Variants in ZNF236 observed in about 807,000 individuals in gnomAD.
ZNF236 encodes regulated by glucose.
Under a neutral mutation model 191.2 loss-of-function variants are expected in ZNF236, and 50 were observed. That is an observed-to-expected ratio of 0.26 (90% CI 0.21 to 0.33). The LOEUF is 0.33. Among genes scored for constraint, ZNF236 ranks in the 10% least tolerant of loss-of-function variants. The probability of loss-of-function intolerance (pLI) is 1.00; values close to 1 mark genes in which losing one functional copy is unlikely to be tolerated. For missense variants in ZNF236, 1,754 were observed against 2,374.5 expected (o/e 0.74, Z 5.43); for synonymous variants, 907 against 928.8 (o/e 0.98, Z 0.43).
At position 76,956,146 on chromosome 18, in the gene ZNF236, G is replaced by C. The variant is rs900440766; in HGVS notation, c.5076G>C (p.Val1692=). The change falls in exon 28 of 31, where the codon GTG becomes GTC. Residue 1692 remains valine, a synonymous_variant. Coordinates refer to ENST00000320610, the MANE Select transcript of ZNF236 (RefSeq NM_001306089.2). ...GGGAGCGCATCCACGGCTGCCCCGT[G>C]TGCAGGAAGGCCTTCAAGCGCGCCA... is the stretch of plus-strand genomic sequence containing the variant. ...HGRERIHGCP[V]CRKAFKRATH... 5 of 1,562,780 alleles carry C rather than the reference G, an allele frequency of 3.2e-6. No individual in the cohort carries two copies. In the African/African-American group the frequency reaches 6.8e-5, roughly 21 times the overall value.
chr18:76,950,405 A>AT (rs1968375341), intron 27 of ZNF236, among the ~76,000 whole-genome samples: 1 of 152,210 alleles, frequency 6.6e-6, no homozygotes. Flanking sequence ...TTGCTCATCC[A>AT]TAAGAAGCAA....
chr18:76,824,347 T>A, intron 1 of ZNF236: 1 of 781,126 alleles, frequency 1.3e-6, no homozygotes, highest in Non-Finnish European at 2.4e-6. Context: ...CAGCGAGCTT[T>A]CGCACACCTC....
intron 30 of ZNF236, among the ~76,000 whole-genome samples, chr18:76,965,925 G>C (rs184393590): frequency 2.6e-4 from 40 of 152,370 alleles, no homozygotes; most frequent in Non-Finnish European, 5.6e-4. Flanking sequence ...AGGAACAGGT[G>C]GTGGGCGGGG....
rs763178600 is a variant in ZNF236, at chr18:76,877,962, T to G, written c.841-47T>G. ...TTGCCATAATTTAGATGTTTAAATT[T>G]AACAATTAATTGTAAAACATCATTT... On this transcript the variant is annotated intron_variant, in intron 6 of 30. Transcript: ENST00000320610. The G allele has an allele frequency of 2.1e-6, 3 of 1,430,126 alleles. No homozygotes were observed. The South Asian group carries it at 4.2e-5, about 20-fold the overall frequency. The allele number at this position is 1,430,126 out of a possible 1,614,324, so 88.6% of individuals were successfully genotyped here.
chr18:76,851,718 C>T, intron 2 of ZNF236, 57 bp from the exon 3 acceptor site: 1 of 1,537,862 alleles, frequency 6.5e-7, no homozygotes, highest in Non-Finnish European at 8.8e-7. Context: ...ATTTATTGAA[C>T]AAGCATCTGT....
intron 1 of ZNF236, among the ~76,000 whole-genome samples, chr18:76,823,084 C>T (rs1379741051): frequency 1.3e-5 from 2 of 150,530 alleles, no homozygotes; most frequent in Non-Finnish European, 3.0e-5. Context: ...AGAGCCCGGG[C>T]CTGCGGATAC....
intron 3 of ZNF236, among the ~76,000 whole-genome samples, chr18:76,859,214 G>A (rs1178399728): frequency 1.6e-5 from 2 of 123,720 alleles, no homozygotes; most frequent in Admixed American, 1.6e-4. Flanking sequence ...GGAGGCAGGT[G>A]CAGGTGGAGG....
At chr18:76,866,996 T>G (rs1005589623) in intron 3 of ZNF236, among the ~76,000 whole-genome samples, 1 of 152,110 alleles carries the variant, frequency 6.6e-6, no homozygotes, top group African/African-American at 2.4e-5. Flanking sequence ...CTCAGACAGA[T>G]CCAACAAATG....
intron 1 of ZNF236, among the ~76,000 whole-genome samples, chr18:76,828,504 C>G (rs1975076636): frequency 6.6e-6 from 1 of 152,176 alleles, no homozygotes; most frequent in Non-Finnish European, 1.5e-5. Flanking sequence ...GCAGCCAGAG[C>G]TGTAATCCCC....
rs116193422 is a variant in ZNF236 at position 76,920,909 on chromosome 18, G to A, written c.3557+851G>A. Among the ~76,000 whole-genome samples the A allele has an allele frequency of 4.5e-3, 683 of 152,340 alleles. 3 individuals are homozygous for A. Among genetic ancestry groups the A allele is most frequent in the African/African-American group, 0.015 (618 of 41,578 alleles). On this transcript the variant is annotated intron_variant, in intron 20 of 30. Coordinates refer to ENST00000320610, the MANE Select transcript of ZNF236 (RefSeq NM_001306089.2). Reference sequence around the variant, plus strand: ...CCTTTCTGGAGAAAGGAAGACCAAAGTATCAGCGTTCTCCTGAAGAATCAG... The same window carrying A: ...CCTTTCTGGAGAAAGGAAGACCAAAATATCAGCGTTCTCCTGAAGAATCAG...
chr18:76,903,959 T>C (rs150376259), intron 11 of ZNF236, among the ~76,000 whole-genome samples: 1 of 148,570 alleles, frequency 6.7e-6, no homozygotes, highest in East Asian at 2.0e-4. Context: ...AAACAAGGTA[T>C]TAAAATCTTG....
In ZNF236 at chr18:76,970,959, G is replaced by A. The variant is rs993081569; in HGVS notation, c.*2620G>A. 3.9e-5 allele frequency among the ~76,000 whole-genome samples: 6 copies of A among 152,274 alleles called. No individual in the cohort carries two copies. Among genetic ancestry groups the A allele is most frequent in the Non-Finnish European group, 7.3e-5 (5 of 68,044 alleles). The stretch of plus-strand genomic sequence containing the variant: ...GGCGTCAGCACAGTGCCCTGTGCAT[G>A]TGTCAGAACTGTTCCTGTTCCCTTT... On this transcript the variant is annotated 3_prime_UTR_variant, in exon 31 of 31. Coordinates refer to ENST00000320610, the MANE Select transcript of ZNF236 (RefSeq NM_001306089.2).
At position 76,822,658 on chromosome 18, in the gene ZNF236, C is replaced by G. The variant is rs1240864877; in HGVS notation, c.51C>G (p.Asp17Glu). Residue 17 changes from aspartate to glutamate, a missense_variant, in exon 1 of 31, where the codon GAC becomes GAG. Asp to Glu is a conservative substitution (Grantham distance 45). Transcript: ENST00000320610. ...PKPRESKARGDSDGVLTLNAE... is the reference protein window; with the variant it reads ...PKPRESKARGESDGVLTLNAE... The stretch of plus-strand genomic sequence containing the variant: ...CCAGGGAGAGCAAGGCGCGCGGCGA[C>G]TCCGGTAAGGCCCGCGGCCGCGCCC... 1 of 148,100 alleles carries G rather than the reference C, an allele frequency of 6.8e-6. No individual in the cohort carries two copies. Among genetic ancestry groups the G allele is most frequent in the Non-Finnish European group, 1.5e-5 (1 of 66,884 alleles). 9.2% of individuals were successfully genotyped at this position (148,100 alleles called of 1,614,324 possible).
intron 3 of ZNF236, among the ~76,000 whole-genome samples, chr18:76,855,955 A>C (rs1195270237): frequency 1.3e-5 from 2 of 152,164 alleles, no homozygotes; most frequent in African/African-American, 2.4e-5. Context: ...GTGAATTCAA[A>C]ATTTTGATAT....
intron 25 of ZNF236, among the ~76,000 whole-genome samples, chr18:76,930,384 A>G (rs947895246): frequency 3.4e-4 from 51 of 152,204 alleles, no homozygotes; most frequent in Non-Finnish European, 2.9e-4. Context: ...CAGAATGTTT[A>G]AAGTATCTTG....
intron 14 of ZNF236, among the ~76,000 whole-genome samples, chr18:76,909,818 T>G (rs1196029130): frequency 6.6e-6 from 1 of 152,196 alleles, no homozygotes; most frequent in East Asian, 1.9e-4. Flanking sequence ...TGTAATAGCA[T>G]TTTAGAATAT....
At chr18:76,957,126 C>G (rs1019908583) in intron 28 of ZNF236, among the ~76,000 whole-genome samples, 1 of 151,846 alleles carries the variant, frequency 6.6e-6, no homozygotes, top group Admixed American at 6.5e-5. Context: ...GATGGCTGGA[C>G]CCTTGGGGTT....
At chr18:76,939,199 G>C (rs1268714925) in intron 26 of ZNF236, among the ~76,000 whole-genome samples, 2 of 152,076 alleles carry the variant, frequency 1.3e-5, no homozygotes, top group African/African-American at 4.8e-5. Flanking sequence ...CAGGCATGGT[G>C]GTGGGTGCCT....
Position 76,925,125 on chromosome 18 carries a change from TGG to T in ZNF236, c.3662-61_3662-60del. ...ATTTACATCCATAGTGACAGCTGAGTGGGGTGGGGGTGAGTGTCGCGACTGCC... is the reference window on the plus strand; with the variant it reads ...ATTTACATCCATAGTGACAGCTGAGTGGTGGGGGTGAGTGTCGCGACTGCC... On this transcript the variant is annotated intron_variant, in intron 21 of 30. Transcript: ENST00000320610. The surrounding 1 kb of genome is among the most constrained non-coding windows in gnomAD (Gnocchi z 5.7). 6.4e-7 allele frequency: 1 copy of T among 1,562,072 alleles called. No homozygotes were observed. Among genetic ancestry groups the T allele is most frequent in the South Asian group, 1.2e-5 (1 of 82,764 alleles).
Sources: allele counts gnomAD v4.1 joint callset (sites outside exome capture counted in the v4.1 genomes callset), GRCh38; gene constraint gnomAD v4.1.1; non-coding constraint Gnocchi (gnomAD v3.1); transcripts MANE v1.5; gene names NCBI Gene and HGNC (gene_info 2026-07-23, HGNC 2026-07-21).